ABCA2: variants seen among roughly 807,000 people sequenced by gnomAD.
ABCA2 encodes the protein ATP binding cassette subfamily A member 2, also known as ATP-binding cassette sub-family A member 2.
ABCA2 carries 84 observed loss-of-function variants against 262.8 expected under a neutral mutation model. That is an observed-to-expected ratio of 0.32 (90% CI 0.27 to 0.38). The LOEUF is 0.38. Among genes scored for constraint, ABCA2 ranks in the 10% least tolerant of loss-of-function variants. ABCA2 has a pLI of 1.00. For synonymous variants in ABCA2, 1,696 were observed against 1,502.9 expected, an observed-to-expected ratio of 1.13 and a Z score of -2.97; for missense variants, 2,662 against 3,405.9, an observed-to-expected ratio of 0.78 and a Z score of 5.44.
chr9:137,022,139 T>G (rs1242809987), intron 6 of ABCA2, 138 bp from the exon 7 acceptor site: 16 of 169,400 alleles, frequency 9.4e-5, no homozygotes, highest in East Asian at 3.8e-4. Flanking sequence ...GTGGCTCAGA[T>G]GGTGGGGGCG....
chr9:137,011,595 G>T lies in ABCA2; in HGVS notation c.5651+39C>A. 6.4e-7 allele frequency: 1 copy of T among 1,557,484 alleles called. No homozygotes were observed. Among genetic ancestry groups the T allele is most frequent in the Non-Finnish European group, 8.7e-7 (1 of 1,151,040 alleles). The stretch of plus-strand genomic sequence containing the variant: ...GGGCAGTGGTCACCAGGCAGCCCCG[G>T]TCCCACCTGAGGCCGCTCCCCCCTC... On this transcript the variant is annotated intron_variant, in intron 36 of 48. Transcript: ENST00000341511. This position sits in a 1 kb window ranked among gnomAD's most constrained non-coding sequence, Gnocchi z 8.8.
At position 137,015,738 on chromosome 9, in the gene ABCA2, T is replaced by C; in HGVS notation, c.3451A>G (p.Thr1151Ala). The change falls in exon 23 of 49, where the codon ACG becomes GCG. Residue 1151 changes from threonine (T) to alanine (A), a missense_variant. Thr to Ala is a moderately conservative substitution (Grantham distance 58, BLOSUM62 0). Around this residue, in one of 12 missense-constraint regions of ABCA2, gnomAD observed 180 missense variants for 307.3 expected, o/e 0.59. Transcript: ENST00000341511. The part of the protein sequence containing the change: ...GSRAIILDEP[T>A]AGVDPYARRA... The stretch of plus-strand genomic sequence containing the variant: ...CGCGCGTAGGGGTCCACGCCCGCCG[T>C]GGGCTCGTCCAGGATGATGGCGCGA... 1 of 1,612,158 alleles carries C rather than the reference T, an allele frequency of 6.2e-7. No homozygotes were observed. Among genetic ancestry groups the C allele is most frequent in the Non-Finnish European group, 8.5e-7 (1 of 1,179,754 alleles).
At position 137,015,835 on chromosome 9, in the gene ABCA2, G is replaced by C; in HGVS notation, c.3354C>G (p.His1118Gln). 2 of 1,611,276 alleles carry C rather than the reference G, an allele frequency of 1.2e-6. No homozygotes were observed. Among genetic ancestry groups the C allele is most frequent in the African/African-American group, 2.7e-5 (2 of 75,040 alleles). Reference sequence around the variant, plus strand: ...CACCCGACAATGTCTGCACCAGTGAGTGCCGTTTGTTGGAGAGCTCCAGGT... The same window carrying C: ...CACCCGACAATGTCTGCACCAGTGACTGCCGTTTGTTGGAGAGCTCCAGGT... ...IEDLELSNKR[H>Q]SLVQTLSGGM... The change falls in exon 23 of 49, where the codon CAC becomes CAG. Residue 1118 changes from histidine (H) to glutamine (Q), a missense_variant. Physicochemically the swap from His to Gln is conservative, Grantham distance 24. This residue lies in a region of ABCA2 where 180 missense variants were observed against 307.3 expected (regional missense o/e 0.59). Coordinates refer to ENST00000341511, the MANE Select transcript of ABCA2 (RefSeq NM_001606.5).
intron 41 of ABCA2, 31 bp from the exon 42 acceptor site, chr9:137,010,155 G>A: frequency 6.3e-7 from 1 of 1,592,306 alleles, no homozygotes; most frequent in East Asian, 2.3e-5. Flanking sequence ...AGCGCGTGAG[G>A]ACGCGGCGGC....
rs776389874 is a variant in ABCA2 at position 137,014,325 on chromosome 9, G to A, written c.4083C>T (p.Ala1361=). The A allele has an allele frequency of 1.2e-6, 2 of 1,609,282 alleles. No individual in the cohort carries two copies. Among genetic ancestry groups the A allele is most frequent in the African/African-American group, 2.7e-5 (2 of 74,872 alleles). ...ASGEGHAGNL[A]RCSELTQSQA... ...GCGACTGGGTCAGCTCCGAGCACCG[G>A]GCCAGATTGCCAGCGTGACCCTCCC... The change falls in exon 27 of 49, where the codon GCC becomes GCT. Residue 1361 remains alanine, a synonymous_variant. Coordinates refer to ENST00000341511, the MANE Select transcript of ABCA2 (RefSeq NM_001606.5).
chr9:137,014,891 C>A, intron 25 of ABCA2, 22 bp downstream of exon 25: 1 of 1,577,484 alleles, frequency 6.3e-7, no homozygotes, highest in African/African-American at 1.3e-5. Context: ...GCAACTGCCC[C>A]CCGACCCGTG....
rs746055333 is a variant in ABCA2, at chr9:137,018,327, T to C, written c.1844A>G (p.Asp615Gly). The change falls in exon 14 of 49, where the codon GAC becomes GGC. Residue 615 changes from aspartate to glycine, a missense_variant. By Grantham distance (94) the Asp-to-Gly change is moderately conservative. This residue lies in a region of ABCA2 where 187 missense variants were observed against 205.9 expected (regional missense o/e 0.91). Transcript: ENST00000341511. The stretch of plus-strand genomic sequence containing the variant: ...GTGCACGTGAGGCGGGAGCGAGCCG[T>C]CCTTCCGGGTCTGGAAGATCACACC... ...FASVIFQTRK[D>G]GSLPPHVHYK... The C allele has an allele frequency of 3.2e-6, 5 of 1,565,450 alleles. No individual in the cohort carries two copies. Among genetic ancestry groups the C allele is most frequent in the Non-Finnish European group, 8.6e-7 (1 of 1,162,286 alleles).
rs747681065 is a variant in ABCA2 at position 137,010,229 on chromosome 9, C to G, written c.6317G>C (p.Ser2106Thr). 6.2e-7 allele frequency: 1 copy of G among 1,605,004 alleles called. No homozygotes were observed. Among genetic ancestry groups the G allele is most frequent in the African/African-American group, 1.3e-5 (1 of 74,832 alleles). The change falls in exon 41 of 49, where the codon AGC becomes ACC. Residue 2106 changes from serine (S) to threonine (T), a missense_variant. By Grantham distance (58) the Ser-to-Thr change is moderately conservative (BLOSUM62 1). Coordinates refer to ENST00000341511, the MANE Select transcript of ABCA2 (RefSeq NM_001606.5). ...GACGAAGGCCTCGCCCCCCGTCGTG[C>G]TCTCGTCGCCGGTCAGCATCTTGAA... Reference protein sequence around the residue: ...STFKMLTGDESTTGGEAFVNG... With the variant: ...STFKMLTGDETTTGGEAFVNG...
chr9:137,012,950 A>T, intron 30 of ABCA2, 25 bp from the exon 31 acceptor site: 1 of 1,486,986 alleles, frequency 6.7e-7, no homozygotes, highest in Non-Finnish European at 9.0e-7. Flanking sequence ...TGGTGCGGTG[A>T]GAAGGACCCC....
intron 6 of ABCA2, 101 bp from the exon 7 acceptor site, chr9:137,022,102 T>TGGGGGGCGTGGCTCAGATGGTG (rs1159940039): frequency 3.5e-4 from 53 of 151,944 alleles, no homozygotes; most frequent in Middle Eastern, 5.3e-3. Context: ...GCTTAGATGG[T>TGGGGGGCGTGGCTCAGATGGTG]GGGGGCGTGG....
intron 24 of ABCA2, 55 bp from the exon 25 acceptor site, chr9:137,015,152 C>A (rs1831211261): frequency 6.6e-7 from 1 of 1,517,058 alleles, no homozygotes; most frequent in Non-Finnish European, 8.8e-7. Context: ...GAGGAGGGAC[C>A]CCCAATGGGA....
intron 46 of ABCA2, 32 bp from the exon 47 acceptor site, chr9:137,008,900 G>GCCCCCCCCCCCCCCGTGCGCCCC: frequency 4.5e-6 from 7 of 1,555,210 alleles, no homozygotes; most frequent in Non-Finnish European, 6.1e-6. Context: ...GCCTGGCAGC[G>GCCCCCCCCCCCCCCGTGCGCCCC]CCCCCCCACC....
In ABCA2 at chr9:137,021,625, G is replaced by C. The variant is rs1490490153; in HGVS notation, c.679-15C>G. The C allele has an allele frequency of 1.3e-6, 2 of 1,544,700 alleles. No individual in the cohort carries two copies. Among genetic ancestry groups the C allele is most frequent in the South Asian group, 2.4e-5 (2 of 84,166 alleles). On this transcript the variant is annotated splice_polypyrimidine_tract_variant and intron_variant, in intron 7 of 48. Coordinates refer to ENST00000341511, the MANE Select transcript of ABCA2 (RefSeq NM_001606.5). The surrounding 1 kb of genome is among the most constrained non-coding windows in gnomAD (Gnocchi z 6.0). ...AGCAGCAGCTCCTGGGATGGGCACA[G>C]GGGTCCGTGGAGCCACGGCAAGGAC...
chr9:137,027,777 C>G (rs958677802), intron 1 of ABCA2: 3 of 152,354 alleles, frequency 2.0e-5, no homozygotes, highest in South Asian at 2.1e-4. Flanking sequence ...GCTTGCCCCC[C>G]GCCCACAGCG....
Position 137,021,701 on chromosome 9 carries a change from C to G in ABCA2, c.679-91G>C. On this transcript the variant is annotated intron_variant, in intron 7 of 48. Transcript: ENST00000341511. This position sits in a 1 kb window ranked among gnomAD's most constrained non-coding sequence, Gnocchi z 6.0. ...GGCCTCACCCTGCCCCACCCACTGG[C>G]TGGCTCTGGGGCTGCCTGGGTCCCA... 7.1e-7 allele frequency: 1 copy of G among 1,412,444 alleles called. No homozygotes were observed. Among genetic ancestry groups the G allele is most frequent in the African/African-American group, 1.4e-5 (1 of 70,334 alleles). The allele number at this position is 1,412,444 out of a possible 1,614,324, so 87.5% of individuals were successfully genotyped here.
chr9:137,027,979 G>A (rs1831713626), intron 1 of ABCA2, 96 bp downstream of exon 1: 3 of 654,372 alleles, frequency 4.6e-6, no homozygotes, highest in Non-Finnish European at 5.7e-6. Context: ...CGGGGTCTGC[G>A]CGCGCCCGGC....
chr9:137,028,169 C>T lies in ABCA2; in HGVS notation c.-29G>A. 3.1e-6 allele frequency: 3 copies of T among 981,196 alleles called. No individual in the cohort carries two copies. Among genetic ancestry groups the T allele is most frequent in the Non-Finnish European group, 3.6e-6 (3 of 828,294 alleles). The allele number at this position is 981,196 out of a possible 1,614,324, so 60.8% of individuals were successfully genotyped here. ...GGGGCCACGCTCCGCCGCCTCAGCG[C>T]CGCGGCCCGCTCCTCTGCGCGCCCC... On this transcript the variant is annotated 5_prime_UTR_variant, in exon 1 of 49. Transcript: ENST00000341511. This position sits in a 1 kb window ranked among gnomAD's most constrained non-coding sequence, Gnocchi z 6.9.
intron 17 of ABCA2, 64 bp from the exon 18 acceptor site, chr9:137,017,410 G>A (rs568345843): frequency 1.2e-5 from 19 of 1,605,002 alleles, no homozygotes; most frequent in Middle Eastern, 1.7e-4. Flanking sequence ...GGGCAGGCCC[G>A]TGCCAGGGTC....
chr9:137,016,840 G>A, intron 19 of ABCA2, 80 bp downstream of exon 19: 1 of 1,573,428 alleles, frequency 6.4e-7, no homozygotes, highest in Non-Finnish European at 8.6e-7. Flanking sequence ...GCTGCATCCA[G>A]GAGTGGACAC....
Sources: gnomAD v4.1 joint callset for allele counts on GRCh38, gnomAD v4.1.1 for gene constraint, gnomAD v4.1.1 regional missense constraint, Gnocchi (gnomAD v3.1) non-coding constraint, MANE v1.5 for transcripts, NCBI Gene and HGNC (gene_info 2026-07-23, HGNC 2026-07-21) for gene names.